Variants in C2orf49 observed in about 807,000 individuals in gnomAD.
C2orf49 encodes the protein tRNA splicing ligase complex subunit 2, also known as tRNA-splicing ligase complex subunit ASW.
C2orf49 carries 11 observed loss-of-function variants against 20.6 expected under a neutral mutation model. That is an observed-to-expected ratio of 0.53 (90% CI 0.34 to 0.88). C2orf49 has a LOEUF of 0.88. Among genes scored for constraint, C2orf49 ranks in the 40% least tolerant of loss-of-function variants. C2orf49 has a pLI of 0.02. For missense variants in C2orf49, 289 were observed against 274.2 expected (o/e 1.05, Z -0.38); for synonymous variants, 134 against 108.5 (o/e 1.24, Z -1.46).
chr2:105,378,679 C>G, the C2orf49 span: 1 of 155,092 alleles, frequency 6.4e-6, no homozygotes, highest in Non-Finnish European at 1.4e-5. Context: ...CTCAGCCTAC[C>G]TTTATGACTG....
At chr2:105,382,552 A>C in the C2orf49 span, among the ~76,000 whole-genome samples, 71,107 of 152,118 alleles carry the variant, frequency 0.47, 17,593 homozygotes, top group African/African-American at 0.63. Flanking sequence ...GTGTTAGGAG[A>C]AATTTAGATC....
rs1258051943 is a variant in C2orf49 at position 105,345,604 on chromosome 2, T to C, written c.*233T>C. 1.8e-6 allele frequency: 1 copy of C among 543,716 alleles called. No homozygotes were observed. Among genetic ancestry groups the C allele is most frequent in the Non-Finnish European group, 3.3e-6 (1 of 306,318 alleles). The allele number at this position is 543,716 out of a possible 1,614,324, so 33.7% of individuals were successfully genotyped here. A position where few individuals can be genotyped will look rare whatever the true frequency, so the allele number is the denominator to read the frequency against. On this transcript the variant is annotated 3_prime_UTR_variant, in exon 4 of 4. Transcript: ENST00000258457. ...AGGAAAGAATATCTTTTTAAACCAA[T>C]GGCTTAGTATATGTCATTTATATTG...
At chr2:105,370,847 CA>C in the C2orf49 span, among the ~76,000 whole-genome samples, 1 of 152,148 alleles carries the variant, frequency 6.6e-6, no homozygotes, top group East Asian at 1.9e-4. Context: ...TGAAGCCATC[CA>C]ACCCAGGGAA....
chr2:105,373,612 T>C, the C2orf49 span: 3 of 1,614,226 alleles, frequency 1.9e-6, no homozygotes, highest in South Asian at 1.1e-5. Flanking sequence ...CTCGTTGGAA[T>C]AGCAGTCTGT....
At position 105,343,039 on chromosome 2, in the gene C2orf49, T is replaced by A; in HGVS notation, c.458T>A (p.Ile153Asn). 1.2e-6 allele frequency: 2 copies of A among 1,614,226 alleles called. No homozygotes were observed. The highest frequency in any genetic ancestry group is 1.7e-6 in the Non-Finnish European group (2 of 1,180,052). Residue 153 changes from isoleucine (I) to asparagine (N), a missense_variant, in exon 3 of 4, where the codon ATT becomes AAT. Ile to Asn is a moderately radical substitution (Grantham distance 149). Coordinates refer to ENST00000258457, the MANE Select transcript of C2orf49 (RefSeq NM_024093.3). Reference sequence around the variant, plus strand: ...TCCTCTTCGAGTGTTTCACCCCTAATTTTGTCTTCCAATTTGCCTGTGAAC... The same window carrying A: ...TCCTCTTCGAGTGTTTCACCCCTAAATTTGTCTTCCAATTTGCCTGTGAAC... The part of the protein sequence containing the change: ...SNSSSSVSPL[I>N]LSSNLPVNNK...
chr2:105,352,188 A>G (rs1008972933), downstream of C2orf49, among the ~76,000 whole-genome samples: 2 of 152,216 alleles, frequency 1.3e-5, no homozygotes, highest in Non-Finnish European at 2.9e-5. Context: ...CTTTAATCTT[A>G]CAGACTCCAC....
the C2orf49 span, among the ~76,000 whole-genome samples, chr2:105,377,566 G>A: frequency 1.3e-5 from 2 of 152,170 alleles, no homozygotes; most frequent in Non-Finnish European, 2.9e-5. Context: ...GAGGTGGAGG[G>A]TGGAGGTTGC....
chr2:105,347,765 G>C lies in C2orf49; in HGVS notation c.*2394G>C, dbSNP rs1343783243. On this transcript the variant is annotated 3_prime_UTR_variant, in exon 4 of 4. Coordinates refer to ENST00000258457, the MANE Select transcript of C2orf49 (RefSeq NM_024093.3). ...AGCAGCCCTGGGAGCCCTGAGTTTTGAAGTGTTTTGGTTTGCTTCAAAGGT... is the reference window on the plus strand; with the variant it reads ...AGCAGCCCTGGGAGCCCTGAGTTTTCAAGTGTTTTGGTTTGCTTCAAAGGT... The C allele has an allele frequency of 6.6e-6, 1 of 152,204 alleles. No homozygotes were observed. The highest frequency in any genetic ancestry group is 1.5e-5 in the Non-Finnish European group (1 of 68,044). The allele number at this position is 152,204 out of a possible 1,614,324, so 9.4% of individuals were successfully genotyped here.
chr2:105,339,679 C>A lies in C2orf49; in HGVS notation c.196C>A (p.Pro66Thr). 6.2e-7 allele frequency: 1 copy of A among 1,607,156 alleles called. No individual in the cohort carries two copies. The highest frequency in any genetic ancestry group is 8.5e-7 in the Non-Finnish European group (1 of 1,178,312). The change falls in exon 2 of 4, where the codon CCG becomes ACG. Residue 66 changes from proline to threonine, a missense_variant. Pro to Thr is a conservative substitution (Grantham distance 38). Coordinates refer to ENST00000258457, the MANE Select transcript of C2orf49 (RefSeq NM_024093.3). ...AATACCATTGCCTCAGAGGGATTTG[C>A]CGAAGAATAGATGGGGGAAAATGAT... is the stretch of plus-strand genomic sequence containing the variant. ...HAIPLPQRDL[P>T]KNRWGKMMEK... is the part of the protein sequence containing the mutation.
the C2orf49 span, among the ~76,000 whole-genome samples, chr2:105,362,856 A>G: frequency 6.6e-6 from 1 of 152,342 alleles, no homozygotes; most frequent in East Asian, 1.9e-4. Flanking sequence ...TCATATAGCT[A>G]TGGCCTTGTG....
chr2:105,345,115 A>G (rs1030824364), intron 3 of C2orf49, among the ~76,000 whole-genome samples, 200 bp from the exon 4 acceptor site: 8 of 152,166 alleles, frequency 5.3e-5, no homozygotes, highest in African/African-American at 1.9e-4. Flanking sequence ...TAAGTGCTCT[A>G]AGTTATTCTA....
At chr2:105,377,462 C>G in the C2orf49 span, among the ~76,000 whole-genome samples, 1 of 152,100 alleles carries the variant, frequency 6.6e-6, no homozygotes, top group Non-Finnish European at 1.5e-5. Flanking sequence ...TAAACCCCAT[C>G]TCTACTAAAA....
downstream of C2orf49, among the ~76,000 whole-genome samples, chr2:105,351,499 T>C (rs1358721652): frequency 6.6e-6 from 1 of 152,158 alleles, no homozygotes; most frequent in East Asian, 1.9e-4. Context: ...TTTATGTCAG[T>C]ATGACTCATG....
the C2orf49 span, chr2:105,367,445 AG>A: frequency 1.1e-6 from 1 of 931,692 alleles, no homozygotes; most frequent in Non-Finnish European, 1.6e-6. Flanking sequence ...AAGGCAGGAC[AG>A]GCACAGCTCC....
At chr2:105,343,260 C>G (rs890055545) in intron 3 of C2orf49, 37 bp downstream of exon 3, 2 of 1,523,862 alleles carry the variant, frequency 1.3e-6, no homozygotes. Context: ...GGTAAGTGGT[C>G]TGAATGAAAC....
intron 1 of C2orf49, among the ~76,000 whole-genome samples, chr2:105,338,421 G>A (rs1365598781): frequency 6.6e-6 from 1 of 152,096 alleles, no homozygotes; most frequent in African/African-American, 2.4e-5. Flanking sequence ...TTTTACCTGT[G>A]GTTCTCAAAC....
At chr2:105,376,017 ACAT>A in the C2orf49 span, 1 of 152,256 alleles carries the variant, frequency 6.6e-6, no homozygotes, top group Non-Finnish European at 1.5e-5. Context: ...ATCCACATGG[ACAT>A]CATCATCGTT....
chr2:105,369,500 T>C, the C2orf49 span, among the ~76,000 whole-genome samples: 2 of 152,132 alleles, frequency 1.3e-5, no homozygotes, highest in Admixed American at 6.5e-5. Flanking sequence ...AGGGTGTGTG[T>C]TGGGGGGCAA....
the C2orf49 span, among the ~76,000 whole-genome samples, chr2:105,362,100 A>G: frequency 6.6e-6 from 1 of 152,234 alleles, no homozygotes; most frequent in African/African-American, 2.4e-5. Context: ...GTGCTTTTAT[A>G]TAGATTGTAT....
Sources: allele counts gnomAD v4.1 joint callset (sites outside exome capture counted in the v4.1 genomes callset), GRCh38; gene constraint gnomAD v4.1.1; transcripts MANE v1.5; gene names NCBI Gene and HGNC (gene_info 2026-07-23, HGNC 2026-07-21).